The following PELI2 variants were observed in gnomAD, a reference collection of about 807,000 sequenced individuals.
PELI2 encodes the protein E3 ubiquitin-protein ligase pellino homolog 2.
A neutral mutation model predicts 42.3 loss-of-function variants in PELI2; 23 were observed. That is an observed-to-expected ratio of 0.54 (90% CI 0.39 to 0.77). The LOEUF (loss-of-function observed/expected upper bound fraction) is 0.77, where lower values mean the gene tolerates loss of function less well. Among genes scored for constraint, PELI2 ranks in the 30% least tolerant of loss-of-function variants. PELI2 has a pLI of 0.00. For synonymous variants in PELI2, 245 were observed against 212.2 expected (o/e 1.15, Z -1.34); for missense variants, 463 against 553.2 (o/e 0.84, Z 1.64).
intron 1 of PELI2, among the ~76,000 whole-genome samples, chr14:56,145,696 A>G (rs533376143): frequency 2.0e-5 from 3 of 152,306 alleles, no homozygotes; most frequent in South Asian, 4.1e-4. Context: ...CATTTATTCA[A>G]CCATATTTTA....
chr14:56,283,894 A>C (rs190898122), intron 3 of PELI2, among the ~76,000 whole-genome samples: 151 of 152,354 alleles, frequency 9.9e-4, no homozygotes, highest in African/African-American at 3.5e-3. Context: ...TAAGACCTTG[A>C]AAAGACAGGC....
chr14:56,288,415 C>T lies in PELI2; in HGVS notation c.310-22C>T, dbSNP rs376022414. On this transcript the variant is annotated intron_variant, in intron 3 of 5. Transcript: ENST00000267460. This position sits in a 1 kb window ranked among gnomAD's most constrained non-coding sequence, Gnocchi z 4.6. ...ACCCTGCTATTTTCCAAGTGAATCA[C>T]GAGTACATTTGATTTACTTAGGTGG... 1.8e-5 allele frequency: 29 copies of T among 1,584,162 alleles called. No homozygotes were observed. The highest frequency in any genetic ancestry group is 2.7e-5 in the African/African-American group (2 of 74,408).
Position 56,260,874 on chromosome 14 carries a change from A to C in PELI2, c.208-18802A>C, listed in dbSNP as rs565773532. ...TGGACACATCTATGTTCAGCTTAGA[A>C]TAACCGGGAGAGTAAAGAGATTTGA... On this transcript the variant is annotated intron_variant, in intron 2 of 5. Coordinates refer to ENST00000267460, the MANE Select transcript of PELI2 (RefSeq NM_021255.3). Among the ~76,000 whole-genome samples the C allele has an allele frequency of 2.6e-5, 4 of 152,322 alleles. 1 individual carries two copies. The highest frequency in any genetic ancestry group is 9.6e-5 in the African/African-American group (4 of 41,560).
intron 3 of PELI2, among the ~76,000 whole-genome samples, chr14:56,280,623 T>C (rs1167281513): frequency 6.6e-6 from 1 of 152,112 alleles, no homozygotes; most frequent in Non-Finnish European, 1.5e-5. Context: ...CATACTCTGC[T>C]AAAGTAAATT....
At chr14:56,173,570 C>G (rs964244101) in intron 1 of PELI2, among the ~76,000 whole-genome samples, 4 of 152,142 alleles carry the variant, frequency 2.6e-5, no homozygotes, top group Non-Finnish European at 5.9e-5. Context: ...GATGTTCATT[C>G]TCTTACAGTT....
chr14:56,131,403 C>T (rs1405700384), intron 1 of PELI2, among the ~76,000 whole-genome samples: 1 of 152,152 alleles, frequency 6.6e-6, no homozygotes, highest in Non-Finnish European at 1.5e-5. Flanking sequence ...GAAAAACATT[C>T]TGAGCAAACA....
chr14:56,207,769 T>C (rs1886572422), intron 2 of PELI2, among the ~76,000 whole-genome samples: 3 of 152,274 alleles, frequency 2.0e-5, no homozygotes, highest in Admixed American at 2.0e-4. Flanking sequence ...TTTTCTTGTC[T>C]GGCCAGAAGG....
Position 56,225,235 on chromosome 14 carries a change from C to T in PELI2, c.207+46771C>T, listed in dbSNP as rs140002044. ...GTGTGAACTTTGGACTTCAGAGGCACAGGCTGAGGTGGGGCATCAGGCTGC... is the reference window on the plus strand; with the variant it reads ...GTGTGAACTTTGGACTTCAGAGGCATAGGCTGAGGTGGGGCATCAGGCTGC... On this transcript the variant is annotated intron_variant, in intron 2 of 5. Coordinates refer to ENST00000267460, the MANE Select transcript of PELI2 (RefSeq NM_021255.3). Among the ~76,000 whole-genome samples, 57 of 152,230 alleles carry T rather than the reference C, an allele frequency of 3.7e-4. No homozygotes were observed. The East Asian group carries it at 0.01, about 28-fold the overall frequency.
chr14:56,241,740 A>G (rs1029736818), intron 2 of PELI2, among the ~76,000 whole-genome samples: 1 of 152,178 alleles, frequency 6.6e-6, no homozygotes, highest in Admixed American at 6.6e-5. Flanking sequence ...AACGATCGGG[A>G]ATCAAATAGC....
At chr14:56,243,345 A>G (rs533322610) in intron 2 of PELI2, among the ~76,000 whole-genome samples, 4 of 152,242 alleles carry the variant, frequency 2.6e-5, no homozygotes, top group African/African-American at 4.8e-5. Flanking sequence ...GGATGACGTT[A>G]TTGCAGTGAG....
intron 2 of PELI2, among the ~76,000 whole-genome samples, chr14:56,217,758 C>G (rs994301366): frequency 6.6e-6 from 1 of 152,278 alleles, no homozygotes; most frequent in Middle Eastern, 3.4e-3. Flanking sequence ...AGTCATCTCT[C>G]TGTTCTCTCC....
chr14:56,296,427 G>A (rs1223234419), intron 5 of PELI2, among the ~76,000 whole-genome samples, 173 bp from the exon 6 acceptor site: 1 of 152,230 alleles, frequency 6.6e-6, no homozygotes, highest in African/African-American at 2.4e-5. Context: ...GTGATCAGAT[G>A]AGGAAGATGA....
chr14:56,144,615 T>C (rs1375589097), intron 1 of PELI2, among the ~76,000 whole-genome samples: 1 of 152,208 alleles, frequency 6.6e-6, no homozygotes, highest in Non-Finnish European at 1.5e-5. Flanking sequence ...AAACTGGCCA[T>C]CACACCTAAT....
intron 2 of PELI2, among the ~76,000 whole-genome samples, chr14:56,269,571 T>C (rs1889026228): frequency 1.3e-5 from 2 of 152,192 alleles, no homozygotes; most frequent in South Asian, 4.1e-4. Flanking sequence ...ACTGGGTAGA[T>C]ATAGTAGTTG....
At chr14:56,147,175 A>G (rs1323554270) in intron 1 of PELI2, among the ~76,000 whole-genome samples, 2 of 152,334 alleles carry the variant, frequency 1.3e-5, no homozygotes, top group Non-Finnish European at 2.9e-5. Context: ...ATCAATGGCC[A>G]TGCCACATTT....
At chr14:56,160,106 A>C (rs1244515219) in intron 1 of PELI2, among the ~76,000 whole-genome samples, 1 of 151,622 alleles carries the variant, frequency 6.6e-6, no homozygotes, top group Non-Finnish European at 1.5e-5. Flanking sequence ...GGCTTTCAAG[A>C]ATTAATAGGG....
At chr14:56,258,375 A>G (rs1212797536) in intron 2 of PELI2, among the ~76,000 whole-genome samples, 2 of 152,182 alleles carry the variant, frequency 1.3e-5, no homozygotes, top group Non-Finnish European at 2.9e-5. Flanking sequence ...AATAAGACCT[A>G]TACCCAGGAG....
intron 2 of PELI2, among the ~76,000 whole-genome samples, chr14:56,223,230 T>C (rs1887214941): frequency 6.6e-6 from 1 of 152,160 alleles, no homozygotes; most frequent in African/African-American, 2.4e-5. Flanking sequence ...TCCTTAACCG[T>C]AACTCCCTCT....
chr14:56,118,609 CGCGGCGGAGGCG>C lies in PELI2; in HGVS notation c.-45_-34del, dbSNP rs1449435494. On this transcript the variant is annotated 5_prime_UTR_variant, in exon 1 of 6. Transcript: ENST00000267460. ...GCGGCGGCGCGGACTCGGCGGGGAT[CGCGGCGGAGGCG>C]GCGGCGTCGGCGGCGGCGTCGGCGG... 3.4e-6 allele frequency: 4 copies of C among 1,183,874 alleles called. No homozygotes were observed. In the African/African-American group the frequency reaches 4.9e-5, roughly 14 times the overall value. 73.3% of individuals were successfully genotyped at this position (1,183,874 alleles called of 1,614,324 possible). A position where few individuals can be genotyped will look rare whatever the true frequency, so the allele number is the denominator to read the frequency against.
Sources: gnomAD v4.1 joint callset for allele counts (sites outside exome capture counted in the v4.1 genomes callset) on GRCh38, gnomAD v4.1.1 for gene constraint, Gnocchi (gnomAD v3.1) non-coding constraint, MANE v1.5 for transcripts, NCBI Gene and HGNC (gene_info 2026-07-23, HGNC 2026-07-21) for gene names.